TENM3: variants seen among roughly 807,000 people sequenced by gnomAD.
The protein encoded by TENM3 is teneurin transmembrane protein 3.
A neutral mutation model predicts 255.1 loss-of-function variants in TENM3; 63 were observed. The ratio of observed to expected loss-of-function variants is 0.25; its 90% CI spans 0.20 to 0.30. The LOEUF (loss-of-function observed/expected upper bound fraction) is 0.30. TENM3 is among the 10% of genes least tolerant of loss of function. The pLI, the probability that TENM3 is intolerant of heterozygous loss-of-function variation, is 1.00. For missense variants in TENM3, 2,929 were observed against 3,461.1 expected, an observed-to-expected ratio of 0.85 and a Z score of 3.86; for synonymous variants, 1,306 against 1,322.3, an observed-to-expected ratio of 0.99 and a Z score of 0.27.
intron 4 of TENM3, among the ~76,000 whole-genome samples, chr4:182,626,726 T>C (rs1374210249): frequency 6.6e-6 from 1 of 152,204 alleles, no homozygotes; most frequent in Non-Finnish European, 1.5e-5. Flanking sequence ...AATTAGCTTT[T>C]TAAAGTAGTT....
chr4:182,391,422 T>C (rs1008988880), intron 3 of TENM3, among the ~76,000 whole-genome samples: 8 of 152,202 alleles, frequency 5.3e-5, no homozygotes, highest in Non-Finnish European at 5.9e-5. Flanking sequence ...TACTGAGCGC[T>C]CATTGTGAGG....
Position 182,679,845 on chromosome 4 carries a change from A to G in TENM3, c.1506A>G (p.Ala502=), listed in dbSNP as rs754164125. The G allele has an allele frequency of 1.2e-6, 2 of 1,612,636 alleles. No homozygotes were observed. The highest frequency in any genetic ancestry group is 2.7e-5 in the African/African-American group (2 of 74,936). The change falls in exon 8 of 28, where the codon GCA becomes GCG. Residue 502 remains alanine, a synonymous_variant. Transcript: ENST00000511685. ...HLAFYNDGKN[A]EQVSFNTIVI... ...CTTTTTATAATGATGGGAAAAATGC[A>G]GAGCAGGTGTCTTTTAATACCATTG... is the stretch of plus-strand genomic sequence containing the variant.
At chr4:182,419,679 A>C (rs563475708) in intron 3 of TENM3, among the ~76,000 whole-genome samples, 84 of 152,344 alleles carry the variant, frequency 5.5e-4, no homozygotes, top group African/African-American at 1.8e-3. Flanking sequence ...ACCATGGAAT[A>C]CTATGTAGCC....
the TENM3 span, among the ~76,000 whole-genome samples, chr4:181,746,387 G>A: frequency 6.6e-6 from 1 of 152,040 alleles, no homozygotes; most frequent in Non-Finnish European, 1.5e-5. Context: ...ATGTTGGAAA[G>A]GGTGAGAGTA....
At chr4:181,504,716 G>A in the TENM3 span, among the ~76,000 whole-genome samples, 2 of 152,130 alleles carry the variant, frequency 1.3e-5, no homozygotes, top group Non-Finnish European at 2.9e-5. Context: ...ACTTTAAATG[G>A]CAACGCACTT....
At chr4:182,587,780 A>T (rs1288334604) in intron 3 of TENM3, among the ~76,000 whole-genome samples, 1 of 152,174 alleles carries the variant, frequency 6.6e-6, no homozygotes, top group African/African-American at 2.4e-5. Flanking sequence ...TTGTTTAAAA[A>T]TTTTTTACAT....
At chr4:181,559,937 A>G in the TENM3 span, among the ~76,000 whole-genome samples, 1 of 152,266 alleles carries the variant, frequency 6.6e-6, no homozygotes, top group Non-Finnish European at 1.5e-5. Context: ...TAATTCACTT[A>G]AAGATTTGGA....
chr4:181,909,417 G>C, the TENM3 span, among the ~76,000 whole-genome samples: 5 of 152,060 alleles, frequency 3.3e-5, no homozygotes, highest in African/African-American at 1.2e-4. Flanking sequence ...TACTGAAATG[G>C]CTGATTAGAG....
intron 3 of TENM3, chr4:182,448,990 C>T: frequency 7.5e-6 from 3 of 399,696 alleles, no homozygotes; most frequent in Middle Eastern, 3.5e-4. Flanking sequence ...GAGCCCGGAG[C>T]CAGGCGCTGT....
the TENM3 span, among the ~76,000 whole-genome samples, chr4:181,909,981 T>G: frequency 1.3e-5 from 2 of 152,216 alleles, no homozygotes; most frequent in Admixed American, 1.3e-4. Flanking sequence ...TAAACAAATG[T>G]ATACAAAAGA....
At chr4:181,920,100 A>G in the TENM3 span, among the ~76,000 whole-genome samples, 2 of 151,906 alleles carry the variant, frequency 1.3e-5, no homozygotes. Context: ...TCCATGGTGT[A>G]TATGTGCCAC....
intron 2 of TENM3, among the ~76,000 whole-genome samples, chr4:182,337,863 A>T (rs903880644): frequency 1.6e-4 from 24 of 152,364 alleles, no homozygotes; most frequent in African/African-American, 5.8e-4. Context: ...ATATCCACTG[A>T]GCAAAAGGAT....
chr4:182,223,323 C>T (rs1445291063), intron 1 of TENM3, among the ~76,000 whole-genome samples: 1 of 152,078 alleles, frequency 6.6e-6, no homozygotes, highest in Non-Finnish European at 1.5e-5. Context: ...TACATAAAAT[C>T]AGTACTGGAT....
intron 4 of TENM3, among the ~76,000 whole-genome samples, chr4:182,606,799 G>A (rs192970701): frequency 8.5e-5 from 13 of 152,256 alleles, no homozygotes; most frequent in South Asian, 6.2e-4. Flanking sequence ...TTTAGTGGGC[G>A]TCACGCCAAT....
the TENM3 span, among the ~76,000 whole-genome samples, chr4:182,127,115 A>T: frequency 2.6e-5 from 4 of 152,074 alleles, no homozygotes; most frequent in Admixed American, 2.6e-4. Flanking sequence ...GGGACTTTCC[A>T]GGTAAATGAT....
At chr4:181,796,664 A>C in the TENM3 span, among the ~76,000 whole-genome samples, 1 of 152,160 alleles carries the variant, frequency 6.6e-6, no homozygotes, top group East Asian at 1.9e-4. Context: ...TTACCTGACC[A>C]TGGGGGTGAG....
At chr4:181,889,176 G>C in the TENM3 span, among the ~76,000 whole-genome samples, 4 of 152,094 alleles carry the variant, frequency 2.6e-5, no homozygotes, top group Admixed American at 1.3e-4. Context: ...GGGCCCGGTG[G>C]GGGGGATATT....
chr4:182,369,701 TG>T (rs1332786578), intron 3 of TENM3, among the ~76,000 whole-genome samples: 1 of 152,038 alleles, frequency 6.6e-6, no homozygotes, highest in Non-Finnish European at 1.5e-5. Context: ...GTCAACATGG[TG>T]AAATTCCATC....
At chr4:182,121,066 T>C in the TENM3 span, among the ~76,000 whole-genome samples, 3 of 152,122 alleles carry the variant, frequency 2.0e-5, no homozygotes, top group African/African-American at 7.2e-5. Flanking sequence ...TGGCATGATC[T>C]TGGCTCACTG....
Sources: gnomAD v4.1 joint callset for allele counts (sites outside exome capture counted in the v4.1 genomes callset) on GRCh38, gnomAD v4.1.1 for gene constraint, MANE v1.5 for transcripts, NCBI Gene and HGNC (gene_info 2026-07-23, HGNC 2026-07-21) for gene names.